CFAP77: variants seen among roughly 807,000 people sequenced by gnomAD.
CFAP77 encodes cilia and flagella associated protein 77.
CFAP77 carries 25 observed loss-of-function variants against 31.1 expected under a neutral mutation model. The observed-to-expected ratio is 0.80, with a 90% CI of 0.59 to 1.12. The LOEUF (loss-of-function observed/expected upper bound fraction) is 1.12, where lower values mean the gene tolerates loss of function less well. Ranked by LOEUF, CFAP77 falls within the 50% of genes most tolerant of loss-of-function variation. The pLI is 0.00. For synonymous variants in CFAP77, 151 were observed against 159.9 expected, an observed-to-expected ratio of 0.94 and a Z score of 0.42; for missense variants, 377 against 397.3, an observed-to-expected ratio of 0.95 and a Z score of 0.44.
chr9:132,518,710 T>A (rs969545978), intron 3 of CFAP77, among the ~76,000 whole-genome samples: 1 of 152,116 alleles, frequency 6.6e-6, no homozygotes, highest in African/African-American at 2.4e-5. Context: ...TGTCTGGAGC[T>A]CTCCTGCCCG....
chr9:132,546,470 C>T (rs537995435), intron 5 of CFAP77, among the ~76,000 whole-genome samples: 6 of 152,256 alleles, frequency 3.9e-5, no homozygotes, highest in East Asian at 1.9e-4. Context: ...TCCCCGCTCA[C>T]GAGCAGATGT....
At chr9:132,431,299 A>G (rs1425092905) in intron 1 of CFAP77, among the ~76,000 whole-genome samples, 1 of 152,236 alleles carries the variant, frequency 6.6e-6, no homozygotes, top group East Asian at 1.9e-4. Flanking sequence ...ATGTTTTAAA[A>G]GAACATAAAT....
Position 132,498,891 on chromosome 9 carries a change from G to A in CFAP77, c.295+97G>A. 1 of 885,924 alleles carries A rather than the reference G, an allele frequency of 1.1e-6. No individual in the cohort carries two copies. Among genetic ancestry groups the A allele is most frequent in the Non-Finnish European group, 1.8e-6 (1 of 567,758 alleles). The allele number at this position is 885,924 out of a possible 1,614,324, so 54.9% of individuals were successfully genotyped here. The stretch of plus-strand genomic sequence containing the variant: ...GACCTAGCTCGCTGCTTGGCAGCTG[G>A]TTGGGTGCTGGAGAAAGACCCAGGG... On this transcript the variant is annotated intron_variant, in intron 2 of 5. Coordinates refer to ENST00000393216, the MANE Select transcript of CFAP77 (RefSeq NM_001282957.2). This position sits in a 1 kb window ranked among gnomAD's most constrained non-coding sequence, Gnocchi z 4.2.
intron 1 of CFAP77, among the ~76,000 whole-genome samples, chr9:132,471,795 G>A (rs1851264492): frequency 6.6e-6 from 1 of 152,028 alleles, no homozygotes; most frequent in South Asian, 2.1e-4. Flanking sequence ...CGAACCCCTG[G>A]GCTCAAGCTA....
intron 3 of CFAP77, among the ~76,000 whole-genome samples, chr9:132,507,926 T>A (rs1851962303): frequency 6.6e-6 from 1 of 152,250 alleles, no homozygotes; most frequent in Non-Finnish European, 1.5e-5. Context: ...AAGTTTCTCC[T>A]GTCCCCCGCA....
intron 3 of CFAP77, among the ~76,000 whole-genome samples, chr9:132,534,436 C>T: frequency 6.6e-6 from 1 of 151,804 alleles, no homozygotes; most frequent in East Asian, 1.9e-4. Flanking sequence ...CATGGTGAAA[C>T]CCCACCTCTA....
chr9:132,539,452 T>C lies in CFAP77; in HGVS notation c.630+1746T>C, dbSNP rs1313666014. ...ACGGGGAAACTAGGGCTCAGAGAGA[T>C]GAAGTGATTTGCCAACAGTGTCAGA... On this transcript the variant is annotated intron_variant, in intron 4 of 5. Transcript: ENST00000393216. This position sits in a 1 kb window ranked among gnomAD's most constrained non-coding sequence, Gnocchi z 4.3. Among the ~76,000 whole-genome samples, 1 of 152,102 alleles carries C rather than the reference T, an allele frequency of 6.6e-6. No homozygotes were observed. Among genetic ancestry groups the C allele is most frequent in the Non-Finnish European group, 1.5e-5 (1 of 68,020 alleles).
chr9:132,428,840 T>C (rs943877653), intron 1 of CFAP77, among the ~76,000 whole-genome samples: 2 of 152,000 alleles, frequency 1.3e-5, no homozygotes, highest in African/African-American at 4.8e-5. Context: ...TACACTGGCA[T>C]CACCAGGCTG....
At chr9:132,465,408 A>C (rs1465003649) in intron 1 of CFAP77, among the ~76,000 whole-genome samples, 3 of 152,240 alleles carry the variant, frequency 2.0e-5, no homozygotes. Flanking sequence ...TTGGGGGAAC[A>C]GTAAATCTAC....
intron 1 of CFAP77, among the ~76,000 whole-genome samples, chr9:132,485,015 A>AT (rs1034326102): frequency 5.3e-5 from 8 of 151,926 alleles, no homozygotes; most frequent in African/African-American, 1.9e-4. Context: ...AGCCCAGCTA[A>AT]TTTTTTTATT....
At chr9:132,537,094 G>T (rs1205606568) in intron 3 of CFAP77, among the ~76,000 whole-genome samples, 1 of 152,154 alleles carries the variant, frequency 6.6e-6, no homozygotes, top group African/African-American at 2.4e-5. Context: ...CAGAAGTGGG[G>T]ATGTTTAGCT....
At chr9:132,463,040 A>T (rs1372542613) in intron 1 of CFAP77, among the ~76,000 whole-genome samples, 1 of 152,132 alleles carries the variant, frequency 6.6e-6, no homozygotes, top group Non-Finnish European at 1.5e-5. Flanking sequence ...TGGGCTGGAT[A>T]GCAGGACGGG....
At chr9:132,569,728 CTTTTTTTTTTT>C (rs558402201) in intron 5 of CFAP77, among the ~76,000 whole-genome samples, 8,396 of 98,762 alleles carry the variant, frequency 0.085, 391 homozygotes, top group Non-Finnish European at 0.11. Flanking sequence ...TCTAGCTGCC[CTTTTTTTTTTT>C]TTTTTTTTTT....
At chr9:132,538,055 T>TAA (rs1455221534) in intron 4 of CFAP77, among the ~76,000 whole-genome samples, 2 of 152,168 alleles carry the variant, frequency 1.3e-5, no homozygotes, top group Admixed American at 1.3e-4. Context: ...GATTTTAGAC[T>TAA]AATCCAACCT....
Position 132,552,854 on chromosome 9 carries a change from CT to C in CFAP77, c.732+9808del, listed in dbSNP as rs1469130510. ...ACAGTTACGTTCAAATATGTGTTTACTGTGGCAGGTGGATGTATTTTCATAT... is the reference window on the plus strand; with the variant it reads ...ACAGTTACGTTCAAATATGTGTTTACGTGGCAGGTGGATGTATTTTCATAT... On this transcript the variant is annotated intron_variant, in intron 5 of 5. Transcript: ENST00000393216. The surrounding 1 kb of genome is among the most constrained non-coding windows in gnomAD (Gnocchi z 5.5). 6.6e-6 allele frequency among the ~76,000 whole-genome samples: 1 copy of C among 152,094 alleles called. No individual in the cohort carries two copies. Among genetic ancestry groups the C allele is most frequent in the Non-Finnish European group, 1.5e-5 (1 of 68,002 alleles).
intron 1 of CFAP77, among the ~76,000 whole-genome samples, chr9:132,493,872 T>C: frequency 6.6e-6 from 1 of 151,696 alleles, no homozygotes; most frequent in African/African-American, 2.4e-5. Context: ...CTCTTTTCTT[T>C]TCTTTCCTTT....
At chr9:132,415,048 A>T (rs986017695) in intron 1 of CFAP77, among the ~76,000 whole-genome samples, 1 of 152,168 alleles carries the variant, frequency 6.6e-6, no homozygotes, top group Non-Finnish European at 1.5e-5. Flanking sequence ...GTACAATCTG[A>T]AAATGTTACA....
intron 1 of CFAP77, among the ~76,000 whole-genome samples, chr9:132,454,034 A>T (rs889893100): frequency 6.6e-6 from 1 of 152,214 alleles, no homozygotes; most frequent in African/African-American, 2.4e-5. Flanking sequence ...TAATTGATGT[A>T]CATTCTTTGC....
At chr9:132,475,591 G>C (rs144547915) in intron 1 of CFAP77, among the ~76,000 whole-genome samples, 1 of 152,152 alleles carries the variant, frequency 6.6e-6, no homozygotes, top group Admixed American at 6.5e-5. Flanking sequence ...GAAGTGTCTC[G>C]GTTAGGAGCA....
Sources: gnomAD v4.1 joint callset for allele counts (sites outside exome capture counted in the v4.1 genomes callset) on GRCh38, gnomAD v4.1.1 for gene constraint, Gnocchi (gnomAD v3.1) non-coding constraint, MANE v1.5 for transcripts, NCBI Gene and HGNC (gene_info 2026-07-23, HGNC 2026-07-21) for gene names.